ARFGEF1: variants seen among roughly 807,000 people sequenced by gnomAD.
ARFGEF1 encodes the protein brefeldin A-inhibited guanine nucleotide-exchange protein 1.
Under a neutral mutation model 231.0 loss-of-function variants are expected in ARFGEF1, and 42 were observed. The observed-to-expected ratio is 0.18, with a 90% CI of 0.14 to 0.24. ARFGEF1 has a LOEUF of 0.24. Ranked by LOEUF, ARFGEF1 falls within the 10% of genes least tolerant of loss-of-function variation. The pLI is 1.00. For missense variants in ARFGEF1, 1,345 were observed against 2,192.0 expected (o/e 0.61, Z 7.72); for synonymous variants, 710 against 732.3 (o/e 0.97, Z 0.49).
chr8:67,281,883 G>T (rs1490858064), intron 7 of ARFGEF1, among the ~76,000 whole-genome samples: 1 of 151,904 alleles, frequency 6.6e-6, no homozygotes, highest in Non-Finnish European at 1.5e-5. Flanking sequence ...TGAGCCAAAG[G>T]AAGAAAACAA....
intron 22 of ARFGEF1, among the ~76,000 whole-genome samples, chr8:67,235,574 G>C (rs1839701205): frequency 6.6e-6 from 1 of 152,118 alleles, no homozygotes; most frequent in African/African-American, 2.4e-5. Flanking sequence ...CGTGCCTCTA[G>C]TCCTAGCATT....
intron 37 of ARFGEF1, among the ~76,000 whole-genome samples, chr8:67,201,153 C>T (rs984591009): frequency 6.6e-6 from 1 of 152,124 alleles, no homozygotes; most frequent in Admixed American, 6.6e-5. Context: ...TGCAGGCAGG[C>T]AAGTTTTCAC....
intron 1 of ARFGEF1, among the ~76,000 whole-genome samples, chr8:67,326,106 G>A (rs1040123491): frequency 2.6e-5 from 4 of 152,202 alleles, no homozygotes; most frequent in African/African-American, 9.6e-5. Context: ...GGCTGAGGTA[G>A]GAGAATCACT....
chr8:67,177,092 A>AG (rs924224138), intron 5 of ARFGEF1, among the ~76,000 whole-genome samples: 7 of 151,732 alleles, frequency 4.6e-5, no homozygotes, highest in African/African-American at 1.5e-4. Context: ...AAAAAAAAAA[A>AG]AGAATATGGC....
At chr8:67,222,180 CACAT>C (rs1312524996) in intron 29 of ARFGEF1, among the ~76,000 whole-genome samples, 10 of 86,464 alleles carry the variant, frequency 1.2e-4, no homozygotes, top group Non-Finnish European at 1.7e-4. Flanking sequence ...TATATATATA[CACAT>C]ATATATATAT....
downstream of ARFGEF1, among the ~76,000 whole-genome samples, chr8:67,197,002 G>A (rs891054190): frequency 3.9e-5 from 6 of 151,922 alleles, no homozygotes; most frequent in Non-Finnish European, 7.4e-5. Flanking sequence ...ATATTGACAC[G>A]TTCCCTTTTT....
At chr8:67,175,354 C>T, downstream of ARFGEF1, 2 of 1,613,566 alleles carry the variant, frequency 1.2e-6, no homozygotes, top group South Asian at 1.1e-5. Flanking sequence ...GAGATCATCA[C>T]ACCTTAGAGA....
intron 19 of ARFGEF1, among the ~76,000 whole-genome samples, chr8:67,243,718 G>A (rs77403741): frequency 6.6e-6 from 1 of 152,130 alleles, no homozygotes; most frequent in Non-Finnish European, 1.5e-5. Context: ...ATGAACATCT[G>A]TAAGTATCAA....
intron 1 of ARFGEF1, among the ~76,000 whole-genome samples, chr8:67,311,866 G>A (rs147432069): frequency 0.016 from 2,391 of 152,258 alleles, 58 homozygotes; most frequent in African/African-American, 0.053. Context: ...AGTAGACATG[G>A]GAGAATTTTC....
chr8:67,195,559 T>G (rs771365440), downstream of ARFGEF1: 2 of 1,614,198 alleles, frequency 1.2e-6, no homozygotes, highest in South Asian at 1.1e-5. Flanking sequence ...CCAGGCACTT[T>G]CACTTGGCAG....
chr8:67,279,991 C>CA (rs542226673), intron 7 of ARFGEF1, among the ~76,000 whole-genome samples: 2,163 of 145,706 alleles, frequency 0.015, 27 homozygotes, highest in Admixed American at 0.02. Flanking sequence ...ACTGAAATTA[C>CA]AAAAAAAAAA....
chr8:67,182,505 G>A (rs2129571829), intron 5 of ARFGEF1, among the ~76,000 whole-genome samples: 1 of 152,310 alleles, frequency 6.6e-6, no homozygotes, highest in Admixed American at 6.5e-5. Flanking sequence ...TACACTAAGA[G>A]ATAGCATTTG....
intron 7 of ARFGEF1, 81 bp from the exon 8 acceptor site, chr8:67,277,538 G>C (rs141631704): frequency 4.8e-5 from 63 of 1,322,082 alleles, no homozygotes; most frequent in Admixed American, 1.1e-4. Context: ...TATTTAAAAT[G>C]AAACAGTGGC....
chr8:67,296,587 T>G lies in ARFGEF1; in HGVS notation c.483A>C (p.Ser161=). 1 of 1,612,480 alleles carries G rather than the reference T, an allele frequency of 6.2e-7. No homozygotes were observed. The highest frequency in any genetic ancestry group is 8.5e-7 in the Non-Finnish European group (1 of 1,179,202). ...IIKALLTAVT[S]QHIEIHEGTV... is the part of the protein sequence containing the mutation. ...TCCCTTCATGAATTTCTATGTGTTG[T>G]GATGTTACTGCAGTAAGTAAAGCCT... Residue 161 remains serine (S), a synonymous_variant, in exon 5 of 39, where the codon TCA becomes TCC. Coordinates refer to ENST00000262215, the MANE Select transcript of ARFGEF1 (RefSeq NM_006421.5).
chr8:67,220,346 A>T (rs1034634320), intron 29 of ARFGEF1, among the ~76,000 whole-genome samples: 1 of 152,238 alleles, frequency 6.6e-6, no homozygotes, highest in Non-Finnish European at 1.5e-5. Flanking sequence ...GAAATGGCTT[A>T]TATTTCCAAA....
chr8:67,222,748 C>A (rs1839243026), intron 29 of ARFGEF1, among the ~76,000 whole-genome samples: 1 of 152,116 alleles, frequency 6.6e-6, no homozygotes, highest in African/African-American at 2.4e-5. Flanking sequence ...CCATGCCTGG[C>A]CAAATTTTTG....
intron 3 of ARFGEF1, among the ~76,000 whole-genome samples, chr8:67,299,906 T>C (rs1008091816): frequency 2.0e-5 from 3 of 151,910 alleles, no homozygotes; most frequent in African/African-American, 4.8e-5. Context: ...GAGGTGGAGG[T>C]TGCAGTAAGC....
chr8:67,259,735 C>T (rs1452103130), intron 15 of ARFGEF1, 80 bp downstream of exon 15: 9 of 980,398 alleles, frequency 9.2e-6, no homozygotes, highest in East Asian at 2.5e-5. Flanking sequence ...GGCAATATAG[C>T]GAGACCCTGT....
intron 9 of ARFGEF1, among the ~76,000 whole-genome samples, chr8:67,274,174 G>A (rs907238943): frequency 6.6e-6 from 1 of 152,000 alleles, no homozygotes; most frequent in African/African-American, 2.4e-5. Context: ...GGAAATTTCA[G>A]GTCTGCAGTT....
Sources: gnomAD v4.1 joint callset for allele counts (sites outside exome capture counted in the v4.1 genomes callset) on GRCh38, gnomAD v4.1.1 for gene constraint, MANE v1.5 for transcripts, NCBI Gene and HGNC (gene_info 2026-07-23, HGNC 2026-07-21) for gene names.